Variants in MYO1E observed in about 807,000 individuals in gnomAD.
MYO1E encodes the protein myosin IE, also known as unconventional myosin-Ie.
MYO1E carries 68 observed loss-of-function variants against 151.1 expected under a neutral mutation model. The observed-to-expected ratio is 0.45, with a 90% CI of 0.37 to 0.55. The LOEUF is 0.55. Ranked by LOEUF, MYO1E falls within the 20% of genes least tolerant of loss-of-function variation. The pLI, the probability that MYO1E is intolerant of heterozygous loss-of-function variation, is 0.00. For missense variants in MYO1E, 1,363 were observed against 1,389.3 expected (o/e 0.98, Z 0.30); for synonymous variants, 601 against 501.7 (o/e 1.20, Z -2.64).
Position 59,261,445 on chromosome 15 carries a change from T to G in MYO1E, c.212A>C (p.Lys71Thr), listed in dbSNP as rs1175733535. 4 of 1,610,188 alleles carry G rather than the reference T, an allele frequency of 2.5e-6. No individual in the cohort carries two copies. In the African/African-American group the frequency reaches 5.3e-5, roughly 22 times the overall value. ...CGCTCCTTGGTACATTTCAATTTCC[T>G]TTTCCCCAAAATATGGCATCTGCTT... ...PFKQMPYFGE[K>T]EIEMYQGAAQ... Residue 71 changes from lysine (K) to threonine (T), a missense_variant, in exon 3 of 28, where the codon AAG (lysine) becomes ACG (threonine). Physicochemically the swap from Lys to Thr is moderately conservative, Grantham distance 78. Coordinates refer to ENST00000288235, the MANE Select transcript of MYO1E (RefSeq NM_004998.4).
chr15:59,217,518 C>CTTTT (rs1334637019), intron 10 of MYO1E, among the ~76,000 whole-genome samples: 35 of 10,684 alleles, frequency 3.3e-3, no homozygotes, highest in Non-Finnish European at 5.4e-3. Context: ...AGTCGTTTTA[C>CTTTT]CTTTTTTTTT....
At chr15:59,258,772 G>A (rs77510050) in intron 3 of MYO1E, among the ~76,000 whole-genome samples, 3,025 of 152,072 alleles carry the variant, frequency 0.02, 40 homozygotes, top group Middle Eastern at 0.034. Flanking sequence ...TCGGGGGATC[G>A]CTTGAGTCCT....
At position 59,350,872 on chromosome 15, in the gene MYO1E, G is replaced by C. The variant is rs1475704621; in HGVS notation, c.3+21626C>G. 1.3e-5 allele frequency among the ~76,000 whole-genome samples: 2 copies of C among 150,914 alleles called. No individual in the cohort carries two copies. The highest frequency in any genetic ancestry group is 4.9e-5 in the African/African-American group (2 of 40,910). On this transcript the variant is annotated intron_variant, in intron 1 of 27. Coordinates refer to ENST00000288235, the MANE Select transcript of MYO1E (RefSeq NM_004998.4). This position sits in a 1 kb window ranked among gnomAD's most constrained non-coding sequence, Gnocchi z 5.0. ...AAATGAGTCTTTATTTGTTGTTGTT[G>C]TTGTTTGTTTGGTTGGTTGGTTTTT...
At chr15:59,167,626 G>A (rs1048137086) in intron 22 of MYO1E, among the ~76,000 whole-genome samples, 5 of 152,264 alleles carry the variant, frequency 3.3e-5, no homozygotes, top group Admixed American at 6.5e-5. Flanking sequence ...CACTCTTCCC[G>A]AGTCTCCAAT....
chr15:59,218,929 C>A (rs577319671), intron 9 of MYO1E, among the ~76,000 whole-genome samples: 1 of 152,240 alleles, frequency 6.6e-6, no homozygotes, highest in East Asian at 1.9e-4. Context: ...GGTGAAAGTT[C>A]AGGTCAGATT....
In MYO1E at chr15:59,135,712, G is replaced by T. The variant is rs1392980026; in HGVS notation, c.*1668C>A. Reference sequence around the variant, plus strand: ...CTAGATCAATTTTTTTCCCTTATACGTAAGCCCTGATAATTTTTTCCCATG... The same window carrying T: ...CTAGATCAATTTTTTTCCCTTATACTTAAGCCCTGATAATTTTTTCCCATG... On this transcript the variant is annotated 3_prime_UTR_variant, in exon 28 of 28. Coordinates refer to ENST00000288235, the MANE Select transcript of MYO1E (RefSeq NM_004998.4). 7 of 151,978 alleles carry T rather than the reference G, an allele frequency of 4.6e-5. No individual in the cohort carries two copies. Among genetic ancestry groups the T allele is most frequent in the Non-Finnish European group, 8.8e-5 (6 of 67,996 alleles). The allele number at this position is 151,978 out of a possible 1,614,324, so 9.4% of individuals were successfully genotyped here.
At chr15:59,173,958 G>T (rs1156625874) in intron 20 of MYO1E, 43 bp from the exon 21 acceptor site, 2 of 1,599,232 alleles carry the variant, frequency 1.3e-6, no homozygotes, top group Non-Finnish European at 8.6e-7. Flanking sequence ...GGATAAGTCA[G>T]TCAGAAAAGG....
chr15:59,188,710 TATAAATAA>T (rs762034150), intron 17 of MYO1E, among the ~76,000 whole-genome samples: 1 of 151,438 alleles, frequency 6.6e-6, no homozygotes, highest in African/African-American at 2.4e-5. Flanking sequence ...ATAAAATAAA[TATAAATAA>T]ATAAATAAAT....
chr15:59,218,705 A>G (rs1277993315), intron 9 of MYO1E, among the ~76,000 whole-genome samples: 1 of 152,234 alleles, frequency 6.6e-6, no homozygotes, highest in Non-Finnish European at 1.5e-5. Flanking sequence ...AAAGCTGAAT[A>G]TGTAACACAG....
At chr15:59,253,471 G>A (rs1257348247) in intron 4 of MYO1E, among the ~76,000 whole-genome samples, 1 of 140,524 alleles carries the variant, frequency 7.1e-6, no homozygotes, top group African/African-American at 2.6e-5. Context: ...CGGAATCTGA[G>A]TCTGATCGAG....
Position 59,223,201 on chromosome 15 carries a change from A to T in MYO1E, c.778-10T>A. ...TCACATTCATGGCGTGCTGGAAGAG[A>T]AAAGAGAAACTATCCAGAGAAGCTG... On this transcript the variant is annotated splice_polypyrimidine_tract_variant and intron_variant, in intron 8 of 27. Transcript: ENST00000288235. The T allele has an allele frequency of 6.2e-7, 1 of 1,614,148 alleles. No homozygotes were observed. The highest frequency in any genetic ancestry group is 8.5e-7 in the Non-Finnish European group (1 of 1,180,030).
intron 1 of MYO1E, among the ~76,000 whole-genome samples, chr15:59,298,606 C>G (rs1306871589): frequency 6.6e-6 from 1 of 152,194 alleles, no homozygotes; most frequent in Non-Finnish European, 1.5e-5. Flanking sequence ...AACCTCACCC[C>G]TGCTCCAATC....
chr15:59,240,450 G>T (rs560997064), intron 4 of MYO1E, among the ~76,000 whole-genome samples: 2 of 152,132 alleles, frequency 1.3e-5, no homozygotes, highest in East Asian at 3.8e-4. Context: ...GAAATGGAAA[G>T]AATGTTCTGG....
chr15:59,163,530 A>G (rs971173428), intron 22 of MYO1E, among the ~76,000 whole-genome samples: 8 of 152,238 alleles, frequency 5.3e-5, no homozygotes, highest in African/African-American at 1.9e-4. Context: ...AAGCATGATC[A>G]AAGTACTTTT....
intron 1 of MYO1E, among the ~76,000 whole-genome samples, chr15:59,273,327 T>C (rs2080299068): frequency 6.6e-6 from 1 of 152,086 alleles, no homozygotes; most frequent in Non-Finnish European, 1.5e-5. Flanking sequence ...GACAAGTTCT[T>C]ATGGCACACT....
chr15:59,303,632 C>T (rs916657873), intron 1 of MYO1E, among the ~76,000 whole-genome samples: 22 of 152,284 alleles, frequency 1.4e-4, no homozygotes, highest in Non-Finnish European at 4.4e-5. Flanking sequence ...CAGATCTCTC[C>T]TCGGAGTAAG....
At chr15:59,174,579 T>C (rs1481035389) in intron 19 of MYO1E, among the ~76,000 whole-genome samples, 12 of 151,830 alleles carry the variant, frequency 7.9e-5, no homozygotes, top group African/African-American at 2.7e-4. Flanking sequence ...ATCCAAAGAG[T>C]GTATTATTAG....
chr15:59,260,050 A>C (rs749561684), intron 3 of MYO1E, among the ~76,000 whole-genome samples: 3 of 152,264 alleles, frequency 2.0e-5, no homozygotes, highest in Non-Finnish European at 2.9e-5. Context: ...ATAATCTGTT[A>C]CTATTAGCAG....
At chr15:59,178,344 C>CG (rs1566971518) in intron 19 of MYO1E, 49 bp downstream of exon 19, 1 of 1,607,868 alleles carries the variant, frequency 6.2e-7, no homozygotes, top group Non-Finnish European at 8.5e-7. Context: ...GCAGGGCTGG[C>CG]GGGGGCCCCG....
Sources: allele counts gnomAD v4.1 joint callset (sites outside exome capture counted in the v4.1 genomes callset), GRCh38; gene constraint gnomAD v4.1.1; non-coding constraint Gnocchi (gnomAD v3.1); transcripts MANE v1.5; gene names NCBI Gene and HGNC (gene_info 2026-07-23, HGNC 2026-07-21).